Variants in TMEM223 observed in about 807,000 individuals in gnomAD.
TMEM223 encodes transmembrane protein 223.
In TMEM223, 14 loss-of-function variants were observed where a neutral mutation model predicts 14.1. The ratio of observed to expected loss-of-function variants is 0.99; its 90% confidence interval spans 0.66 to 1.55. The LOEUF (loss-of-function observed/expected upper bound fraction) is 1.55, where lower values mean the gene tolerates loss of function less well. Among genes scored for constraint, TMEM223 ranks in the 40% most tolerant of loss-of-function variants. TMEM223 has a pLI of 0.00. For synonymous variants in TMEM223, 145 were observed against 120.5 expected (o/e 1.20, Z -1.33); for missense variants, 346 against 269.9 (o/e 1.28, Z -1.97).
downstream of TMEM223, among the ~76,000 whole-genome samples, chr11:62,783,205 G>A (rs1020642715): frequency 3.9e-5 from 6 of 152,166 alleles, no homozygotes; most frequent in African/African-American, 7.2e-5. Context: ...TGTTGGCGCC[G>A]GGCGCAGTGG....
downstream of TMEM223, chr11:62,782,647 G>A (rs2084238972): frequency 6.2e-7 from 1 of 1,602,066 alleles, no homozygotes; most frequent in Non-Finnish European, 8.5e-7. Flanking sequence ...CCTGTTGGGT[G>A]GCACCATGCC....
At chr11:62,776,035 C>T in intron 1 of TMEM223, 2 of 1,373,670 alleles carry the variant, frequency 1.5e-6, no homozygotes, top group South Asian at 1.5e-5. Context: ...GTGCCTGCTC[C>T]ATACAACAGA....
At chr11:62,781,656 C>T (rs764740331) in intron 1 of TMEM223, 42 of 311,958 alleles carry the variant, frequency 1.3e-4, no homozygotes, top group South Asian at 4.2e-4. Context: ...GAGCGAGACT[C>T]GGTCTCAAAA....
At chr11:62,778,669 C>T in intron 1 of TMEM223, 1 of 616,418 alleles carries the variant, frequency 1.6e-6, no homozygotes, top group Admixed American at 2.9e-5. Context: ...GGGTGGAAGA[C>T]AGGACAGAGC....
At chr11:62,787,332 G>T, downstream of TMEM223, 1 of 1,522,534 alleles carries the variant, frequency 6.6e-7, no homozygotes, top group Non-Finnish European at 8.8e-7. Context: ...AATAAATCCC[G>T]CCCCCGGAAA....
chr11:62,772,873 G>GT (rs1476901467), intron 2 of TMEM223, among the ~76,000 whole-genome samples: 1 of 141,248 alleles, frequency 7.1e-6, no homozygotes, highest in Non-Finnish European at 1.6e-5. Context: ...GTTTGTTTTT[G>GT]TTTTTTGTTT....
At chr11:62,780,554 A>G (rs1349760943) in intron 1 of TMEM223, among the ~76,000 whole-genome samples, 1 of 152,052 alleles carries the variant, frequency 6.6e-6, no homozygotes, top group East Asian at 1.9e-4. Context: ...TGGCTGATAG[A>G]ACGAAACTCC....
intron 1 of TMEM223, among the ~76,000 whole-genome samples, chr11:62,781,033 C>A (rs925337558): frequency 1.3e-5 from 2 of 150,352 alleles, no homozygotes; most frequent in Admixed American, 6.7e-5. Flanking sequence ...GCCGGGAGTT[C>A]GAGACTAGCC....
downstream of TMEM223, chr11:62,789,346 G>A: frequency 3.1e-6 from 5 of 1,613,944 alleles, no homozygotes; most frequent in Non-Finnish European, 4.2e-6. Flanking sequence ...CCGTCTTCCT[G>A]GTCTTGGTGT....
At position 62,775,150 on chromosome 11, in the gene TMEM223, TAC is replaced by T. The variant is rs1412896489; in HGVS notation, c.315-487_315-486del. On this transcript the variant is annotated intron_variant, in intron 1 of 2. Coordinates refer to the TMEM223 transcript ENST00000528367. ...AATGCTGGGGAGGCCTCAGGAAACTTACAGTCATGGTGGAAGAGGAAGCAAAC... is the reference window on the plus strand; with the variant it reads ...AATGCTGGGGAGGCCTCAGGAAACTTAGTCATGGTGGAAGAGGAAGCAAAC... Among the ~76,000 whole-genome samples, 5 of 152,026 alleles carry T rather than the reference TAC, an allele frequency of 3.3e-5. No homozygotes were observed. In the East Asian group the frequency reaches 7.7e-4, roughly 23 times the overall value.
chr11:62,789,710 C>CA, downstream of TMEM223: 2 of 1,525,536 alleles, frequency 1.3e-6, no homozygotes, highest in South Asian at 2.6e-5. Context: ...GAAAAACTGA[C>CA]ATAAATATCT....
intron 1 of TMEM223, chr11:62,781,794 A>G: frequency 9.7e-7 from 1 of 1,032,264 alleles, no homozygotes; most frequent in Non-Finnish European, 1.5e-6. Flanking sequence ...TTAAAATTGT[A>G]AAACATGAAT....
At chr11:62,787,499 TGGCGGCCGC>T (rs779222937), downstream of TMEM223, 20 of 1,578,760 alleles carry the variant, frequency 1.3e-5, no homozygotes, top group African/African-American at 4.0e-5. Flanking sequence ...TGCGGGGCCG[TGGCGGCCGC>T]GGCGATGACT....
At chr11:62,780,832 G>A (rs1188270578) in intron 1 of TMEM223, among the ~76,000 whole-genome samples, 1 of 151,056 alleles carries the variant, frequency 6.6e-6, no homozygotes. Flanking sequence ...AGCTACTTGC[G>A]AGGCTGATGC....
intron 1 of TMEM223, 94 bp downstream of exon 1, chr11:62,791,585 C>G (rs952040441): frequency 1.4e-6 from 2 of 1,380,012 alleles, no homozygotes; most frequent in South Asian, 1.5e-5. Flanking sequence ...CCGCCACTCT[C>G]GGATAGGGAG....
intron 1 of TMEM223, chr11:62,778,765 CT>C (rs1286692278): frequency 2.0e-6 from 2 of 983,450 alleles, no homozygotes; most frequent in Non-Finnish European, 3.2e-6. Flanking sequence ...AGAAAGGCTT[CT>C]TGTGGATGTG....
At chr11:62,781,763 C>A (rs1328393435) in intron 1 of TMEM223, 2 of 783,304 alleles carry the variant, frequency 2.6e-6, no homozygotes, top group East Asian at 5.5e-5. Context: ...AATAGAATTG[C>A]TAGATCAAAG....
chr11:62,786,352 C>A, downstream of TMEM223: 1 of 1,614,162 alleles, frequency 6.2e-7, no homozygotes, highest in South Asian at 1.1e-5. Flanking sequence ...ATGCCCAGGT[C>A]AAAGCAGATG....
Position 62,790,362 on chromosome 11 carries a change from C to T in TMEM223, c.*261G>A. ...GCAGCTGCCCTAGGGATGACTGCTC[C>T]TTTATTTGTTGTTAATGAATCTTGA... On this transcript the variant is annotated 3_prime_UTR_variant, in exon 2 of 2. Coordinates refer to ENST00000307366, the MANE Select transcript of TMEM223 (RefSeq NM_001080501.3). 1.8e-6 allele frequency: 1 copy of T among 546,462 alleles called. No individual in the cohort carries two copies. Among genetic ancestry groups the T allele is most frequent in the East Asian group, 3.1e-5 (1 of 32,592 alleles). The allele number at this position is 546,462 out of a possible 1,614,324, so 33.9% of individuals were successfully genotyped here.
Sources: gnomAD v4.1 joint callset for allele counts (sites outside exome capture counted in the v4.1 genomes callset) on GRCh38, gnomAD v4.1.1 for gene constraint, MANE v1.5 for transcripts, NCBI Gene and HGNC (gene_info 2026-07-23, HGNC 2026-07-21) for gene names.